Variants in SPOCK3 observed in about 807,000 individuals in gnomAD.
SPOCK3 encodes SPARC (osteonectin), cwcv and kazal like domains proteoglycan 3, also known as testican-3.
SPOCK3 carries 30 observed loss-of-function variants against 56.6 expected under a neutral mutation model. The observed-to-expected ratio is 0.53, with a 90% CI of 0.40 to 0.72. The LOEUF (loss-of-function observed/expected upper bound fraction) is 0.72. Among genes scored for constraint, SPOCK3 ranks in the 30% least tolerant of loss-of-function variants. SPOCK3 has a pLI of 0.00. For missense variants in SPOCK3, 527 were observed against 530.0 expected (o/e 0.99, Z 0.06); for synonymous variants, 196 against 183.3 (o/e 1.07, Z -0.56).
intron 2 of SPOCK3, among the ~76,000 whole-genome samples, chr4:167,146,243 C>T (rs951818912): frequency 2.6e-5 from 4 of 152,028 alleles, no homozygotes; most frequent in African/African-American, 9.6e-5. Flanking sequence ...AAGGGATCAA[C>T]GCAACAAGAA....
intron 3 of SPOCK3, among the ~76,000 whole-genome samples, chr4:167,052,784 A>C (rs1019047833): frequency 2.6e-5 from 4 of 152,216 alleles, no homozygotes; most frequent in African/African-American, 9.6e-5. Context: ...AATGATACTC[A>C]TGTAAATAAG....
chr4:167,174,705 A>G (rs551772278), intron 2 of SPOCK3, among the ~76,000 whole-genome samples: 1 of 152,302 alleles, frequency 6.6e-6, no homozygotes, highest in Admixed American at 6.5e-5. Flanking sequence ...GGCCTTGAGG[A>G]AAAACTGCTT....
intron 2 of SPOCK3, among the ~76,000 whole-genome samples, chr4:167,134,705 G>A (rs965520550): frequency 1.3e-5 from 2 of 152,092 alleles, no homozygotes; most frequent in South Asian, 2.1e-4. Flanking sequence ...TTCAAAAGTC[G>A]TATTTACCAT....
At chr4:167,098,738 T>C (rs750705794) in intron 2 of SPOCK3, among the ~76,000 whole-genome samples, 6 of 151,996 alleles carry the variant, frequency 3.9e-5, no homozygotes, top group Admixed American at 6.6e-5. Flanking sequence ...ATTAACTCGC[T>C]TTATCATCTC....
intron 4 of SPOCK3, among the ~76,000 whole-genome samples, chr4:166,953,202 A>T (rs1742913912): frequency 6.6e-6 from 1 of 151,528 alleles, no homozygotes; most frequent in Non-Finnish European, 1.5e-5. Flanking sequence ...AAGGGCTAAT[A>T]TCCAGAATCT....
At chr4:166,978,757 T>A (rs534069748) in intron 4 of SPOCK3, among the ~76,000 whole-genome samples, 1 of 152,130 alleles carries the variant, frequency 6.6e-6, no homozygotes, top group Non-Finnish European at 1.5e-5. Context: ...AAGTAACTTA[T>A]TGAGTATAAA....
Position 166,737,615 on chromosome 4 carries a change from A to AAC in SPOCK3, c.995-13_995-12dup, listed in dbSNP as rs1734348411. On this transcript the variant is annotated splice_polypyrimidine_tract_variant and intron_variant, in intron 9 of 10. Coordinates refer to ENST00000357545, the MANE Select transcript of SPOCK3 (RefSeq NM_001040159.2). ...GGGGGATATACTGTCCTGTTGAAACAACACACAGGCATACAAACACACACA... is the reference window on the plus strand; with the variant it reads ...GGGGGATATACTGTCCTGTTGAAACAACACACACAGGCATACAAACACACACA... 6.2e-7 allele frequency: 1 copy of AAC among 1,602,682 alleles called. No individual in the cohort carries two copies. Among genetic ancestry groups the AAC allele is most frequent in the Non-Finnish European group, 8.5e-7 (1 of 1,175,328 alleles).
intron 8 of SPOCK3, among the ~76,000 whole-genome samples, chr4:166,752,098 GC>G (rs759831808): frequency 6.6e-5 from 10 of 151,920 alleles, no homozygotes; most frequent in Non-Finnish European, 1.5e-5. Flanking sequence ...GTGTAGAGGT[GC>G]CATCTCAGCT....
At chr4:167,005,623 T>A (rs1213055056) in intron 3 of SPOCK3, among the ~76,000 whole-genome samples, 3 of 152,070 alleles carry the variant, frequency 2.0e-5, no homozygotes, top group Admixed American at 1.3e-4. Context: ...TCCTTTTATA[T>A]ACTTTGTGCA....
intron 4 of SPOCK3, among the ~76,000 whole-genome samples, chr4:166,978,541 A>C (rs1248045149): frequency 2.0e-5 from 3 of 152,172 alleles, no homozygotes; most frequent in African/African-American, 7.2e-5. Context: ...ATACATGGAG[A>C]AAAGGAAGGA....
chr4:167,228,855 A>G (rs1166367237), intron 2 of SPOCK3, among the ~76,000 whole-genome samples: 1 of 152,130 alleles, frequency 6.6e-6, no homozygotes, highest in Non-Finnish European at 1.5e-5. Flanking sequence ...AATATGAATA[A>G]TAGTCCAATA....
chr4:166,746,997 C>A (rs146742159), intron 8 of SPOCK3, among the ~76,000 whole-genome samples: 8 of 151,938 alleles, frequency 5.3e-5, no homozygotes, highest in Non-Finnish European at 8.8e-5. Flanking sequence ...AATTAAGAGC[C>A]TACCAACCAA....
In SPOCK3 at chr4:167,234,105, G is replaced by C. The variant is rs761642444; in HGVS notation, c.69C>G (p.Ala23=). The change falls in exon 2 of 11, where the codon GCC becomes GCG. Residue 23 remains alanine (A), a synonymous_variant. Coordinates refer to ENST00000357545, the MANE Select transcript of SPOCK3 (RefSeq NM_001040159.2). ...GCCCCCCGGCTGCAGCCACCGCCGC[G>C]GCAGCTGCGAGAGACTGACTGCACC... The part of the protein sequence containing the change: ...AAWCSQSLAA[A]AAVAAAGGRS... 2.5e-6 allele frequency: 4 copies of C among 1,613,780 alleles called. No individual in the cohort carries two copies. The African/African-American group carries it at 4.0e-5, about 16-fold the overall frequency.
intron 2 of SPOCK3, among the ~76,000 whole-genome samples, chr4:167,115,293 A>G (rs1465182759): frequency 6.6e-6 from 1 of 151,452 alleles, no homozygotes. Context: ...AAAGTAAAAG[A>G]TATTTGCTAT....
intron 6 of SPOCK3, among the ~76,000 whole-genome samples, chr4:166,803,275 T>G (rs1397161421): frequency 6.6e-6 from 1 of 152,214 alleles, no homozygotes; most frequent in African/African-American, 2.4e-5. Context: ...TTCACAAGTA[T>G]TTCTGAAACT....
rs1485361955 is a variant in SPOCK3 at position 167,222,609 on chromosome 4, T to C, written c.189+11376A>G. Among the ~76,000 whole-genome samples the C allele has an allele frequency of 2.8e-5, 4 of 141,976 alleles. No homozygotes were observed. In the East Asian group the frequency reaches 8.1e-4, roughly 29 times the overall value. 93.1% of individuals were successfully genotyped at this position (141,976 alleles called of 152,430 possible). ...GAATATATAATATATACACATATGT[T>C]ATATATTTATATATAAACATAGATA... On this transcript the variant is annotated intron_variant, in intron 2 of 10. Coordinates refer to ENST00000357545, the MANE Select transcript of SPOCK3 (RefSeq NM_001040159.2).
intron 4 of SPOCK3, among the ~76,000 whole-genome samples, chr4:166,923,869 C>T (rs953874329): frequency 6.6e-6 from 1 of 152,164 alleles, no homozygotes; most frequent in Non-Finnish European, 1.5e-5. Flanking sequence ...AAATAGACCC[C>T]ATTTTTATGC....
intron 2 of SPOCK3, among the ~76,000 whole-genome samples, chr4:167,150,739 A>T (rs1282695913): frequency 6.6e-6 from 1 of 152,202 alleles, no homozygotes; most frequent in African/African-American, 2.4e-5. Flanking sequence ...GCAAGGGGTT[A>T]TCTGATTGCG....
rs72697596 is a variant in SPOCK3 at position 166,996,012 on chromosome 4, T to A, written c.350+4337A>T. ...CAATCAGTGATCATATAAATACATT[T>A]AGATCTTCTTTTAAAAATAGTCATT... On this transcript the variant is annotated intron_variant, in intron 4 of 10. Transcript: ENST00000357545. 4.0e-3 allele frequency among the ~76,000 whole-genome samples: 615 copies of A among 152,256 alleles called. 3 individuals carry two copies. The highest frequency in any genetic ancestry group is 6.9e-3 in the Non-Finnish European group (468 of 67,990).
Sources: gnomAD v4.1 joint callset for allele counts (sites outside exome capture counted in the v4.1 genomes callset) on GRCh38, gnomAD v4.1.1 for gene constraint, MANE v1.5 for transcripts, NCBI Gene and HGNC (gene_info 2026-07-23, HGNC 2026-07-21) for gene names.